The following TGFA variants were observed in gnomAD, a reference collection of about 807,000 sequenced individuals.
The protein encoded by TGFA is transforming growth factor alpha, also known as protransforming growth factor alpha.
TGFA carries 12 observed loss-of-function variants against 21.7 expected under a neutral mutation model. That is an observed-to-expected ratio of 0.55 (90% CI 0.35 to 0.90). The LOEUF is 0.90. Among genes scored for constraint, TGFA ranks in the 40% least tolerant of loss-of-function variants. The pLI, the probability that TGFA is intolerant of heterozygous loss-of-function variation, is 0.01. For missense variants in TGFA, 178 were observed against 210.8 expected, an observed-to-expected ratio of 0.84 and a Z score of 0.96; for synonymous variants, 79 against 88.1, an observed-to-expected ratio of 0.90 and a Z score of 0.58.
intron 1 of TGFA, chr2:70,553,199 G>T: frequency 1.7e-5 from 26 of 1,536,186 alleles, no homozygotes; most frequent in Non-Finnish European, 2.3e-5. Flanking sequence ...AAGCTCAAGA[G>T]CTCTGAAAAG....
intron 5 of TGFA, among the ~76,000 whole-genome samples, chr2:70,451,192 T>C (rs1670046907): frequency 6.6e-6 from 1 of 152,204 alleles, no homozygotes; most frequent in Non-Finnish European, 1.5e-5. Flanking sequence ...TCAGATCCTG[T>C]AAGGGGTGGC....
At chr2:70,520,746 C>G (rs569905525) in intron 1 of TGFA, among the ~76,000 whole-genome samples, 6 of 151,994 alleles carry the variant, frequency 3.9e-5, no homozygotes, top group African/African-American at 1.5e-4. Context: ...ACCAAGGCAC[C>G]GGACCGACCC....
chr2:70,535,151 C>T (rs1553504207), intron 1 of TGFA, among the ~76,000 whole-genome samples: 1 of 152,090 alleles, frequency 6.6e-6, no homozygotes, highest in Non-Finnish European at 1.5e-5. Flanking sequence ...GCCAGGCAAC[C>T]TTCTAACTAT....
At chr2:70,508,623 A>G (rs1472605253) in intron 2 of TGFA, among the ~76,000 whole-genome samples, 1 of 152,246 alleles carries the variant, frequency 6.6e-6, no homozygotes, top group Non-Finnish European at 1.5e-5. Context: ...CAGAATGCCA[A>G]TATATGAATC....
intron 1 of TGFA, among the ~76,000 whole-genome samples, chr2:70,547,660 T>C (rs902180127): frequency 6.7e-6 from 1 of 148,926 alleles, no homozygotes; most frequent in Admixed American, 6.7e-5. Context: ...TTTTAAAGAA[T>C]AGATACTTAC....
At chr2:70,506,111 C>G (rs772822547) in intron 2 of TGFA, among the ~76,000 whole-genome samples, 1 of 152,142 alleles carries the variant, frequency 6.6e-6, no homozygotes, top group Non-Finnish European at 1.5e-5. Context: ...AGAAAGCCAC[C>G]GTGTTCATCA....
At chr2:70,466,379 C>T (rs1259000136) in intron 2 of TGFA, among the ~76,000 whole-genome samples, 3 of 152,068 alleles carry the variant, frequency 2.0e-5, no homozygotes, top group African/African-American at 7.2e-5. Context: ...AGGTGACGGG[C>T]GACTGTAGTC....
intron 1 of TGFA, among the ~76,000 whole-genome samples, chr2:70,533,521 C>CT (rs1479496222): frequency 6.6e-6 from 1 of 152,166 alleles, no homozygotes; most frequent in Admixed American, 6.5e-5. Flanking sequence ...TTAAAAGAAG[C>CT]TAATGTCTGT....
intron 1 of TGFA, among the ~76,000 whole-genome samples, chr2:70,539,529 A>G (rs1673072265): frequency 6.6e-6 from 1 of 152,200 alleles, no homozygotes; most frequent in Non-Finnish European, 1.5e-5. Flanking sequence ...ATCTCAGCAC[A>G]CTGCAACCTC....
chr2:70,498,181 TA>T (rs1350350385), intron 2 of TGFA, among the ~76,000 whole-genome samples: 3 of 152,256 alleles, frequency 2.0e-5, no homozygotes, highest in African/African-American at 7.2e-5. Flanking sequence ...AAGCTGGTCT[TA>T]CCTATTGCAT....
intron 1 of TGFA, among the ~76,000 whole-genome samples, chr2:70,548,144 C>A (rs1473327702): frequency 6.6e-6 from 1 of 152,082 alleles, no homozygotes; most frequent in Non-Finnish European, 1.5e-5. Context: ...CCTTGATTGC[C>A]ATAATAAAGA....
chr2:70,538,587 T>C (rs1673042622), intron 1 of TGFA, among the ~76,000 whole-genome samples: 1 of 152,104 alleles, frequency 6.6e-6, no homozygotes, highest in African/African-American at 2.4e-5. Flanking sequence ...CAACTACAGA[T>C]GTGGTGGGAA....
intron 3 of TGFA, among the ~76,000 whole-genome samples, chr2:70,459,454 C>G (rs1209066904): frequency 6.6e-6 from 1 of 152,184 alleles, no homozygotes; most frequent in Non-Finnish European, 1.5e-5. Flanking sequence ...GTAAGGCTAC[C>G]TTTCTGGGTT....
chr2:70,553,674 CG>C (rs543506504), intron 1 of TGFA, 53 bp downstream of exon 1: 18 of 1,327,410 alleles, frequency 1.4e-5, no homozygotes, highest in South Asian at 4.4e-5. Flanking sequence ...CGGCGGGGAC[CG>C]GGGGAAGCAG....
chr2:70,532,318 C>T (rs781735564), intron 1 of TGFA, among the ~76,000 whole-genome samples: 1 of 152,168 alleles, frequency 6.6e-6, no homozygotes, highest in South Asian at 2.1e-4. Flanking sequence ...TTATTGGGAA[C>T]CTAAACATGA....
rs1553492049 is a variant in TGFA at position 70,465,609 on chromosome 2, T to C, written c.215+7A>G. On this transcript the variant is annotated splice_region_variant and intron_variant, in intron 3 of 5. Transcript: ENST00000295400. ...CCCAGATCTCCAGGAGAACAGGGGA[T>C]ACTTACACACATGCTGGCTTGTCCT... 1 of 1,614,120 alleles carries C rather than the reference T, an allele frequency of 6.2e-7. No individual in the cohort carries two copies. Among genetic ancestry groups the C allele is most frequent in the South Asian group, 1.1e-5 (1 of 91,078 alleles).
At chr2:70,521,736 T>C (rs543400) in intron 1 of TGFA, among the ~76,000 whole-genome samples, 6 of 145,116 alleles carry the variant, frequency 4.1e-5, no homozygotes, top group Admixed American at 1.4e-4. Flanking sequence ...TGCCTCCGCC[T>C]CCCGAGTAGC....
intron 3 of TGFA, among the ~76,000 whole-genome samples, chr2:70,456,689 G>C (rs868988333): frequency 1.3e-5 from 2 of 152,242 alleles, no homozygotes; most frequent in Non-Finnish European, 2.9e-5. Flanking sequence ...GTGGAGAAGG[G>C]AAGGGGAATC....
Position 70,465,749 on chromosome 2 carries a change from A to G in TGFA, c.95-13T>C, listed in dbSNP as rs375014810. ...ACGGGCGGGTCTGCTGGGGAGAGGAAAGATGCAGGGCTCAGATCCAGGAAC... is the reference window on the plus strand; with the variant it reads ...ACGGGCGGGTCTGCTGGGGAGAGGAGAGATGCAGGGCTCAGATCCAGGAAC... On this transcript the variant is annotated splice_polypyrimidine_tract_variant and intron_variant, in intron 2 of 5. Transcript: ENST00000295400. The G allele has an allele frequency of 6.2e-6, 10 of 1,613,430 alleles. No homozygotes were observed. In the Admixed American group the frequency reaches 1.0e-4, roughly 16 times the overall value.
Sources: gnomAD v4.1 joint callset for allele counts (sites outside exome capture counted in the v4.1 genomes callset) on GRCh38, gnomAD v4.1.1 for gene constraint, MANE v1.5 for transcripts, NCBI Gene and HGNC (gene_info 2026-07-23, HGNC 2026-07-21) for gene names.